Variants in DENND1A observed in about 807,000 individuals in gnomAD.
The protein encoded by DENND1A is DENN domain-containing protein 1A.
DENND1A carries 51 observed loss-of-function variants against 113.7 expected under a neutral mutation model. The observed-to-expected ratio is 0.45, with a 90% CI of 0.36 to 0.57. The LOEUF is 0.57. Ranked by LOEUF, DENND1A falls within the 20% of genes least tolerant of loss-of-function variation. The pLI is 0.00. For synonymous variants in DENND1A, 565 were observed against 570.8 expected, an observed-to-expected ratio of 0.99 and a Z score of 0.14; for missense variants, 1,258 against 1,395.9, an observed-to-expected ratio of 0.90 and a Z score of 1.57.
rs923114156 is a variant in DENND1A, at chr9:123,426,262, C to T, written c.1488+14098G>A. On this transcript the variant is annotated intron_variant, in intron 19 of 23. Coordinates refer to ENST00000394215, the MANE Select transcript of DENND1A (RefSeq NM_001352964.2). ...AGGCTGCAGGCCCTGCCTATCTCAA[C>T]GTGTGCTGATGCTTTCTGATACCCA... Among the ~76,000 whole-genome samples, 8 of 152,304 alleles carry T rather than the reference C, an allele frequency of 5.3e-5. No individual in the cohort carries two copies. The East Asian group carries it at 5.8e-4, about 11-fold the overall frequency.
chr9:123,615,188 T>C (rs924605376), intron 10 of DENND1A, among the ~76,000 whole-genome samples: 3 of 152,186 alleles, frequency 2.0e-5, no homozygotes, highest in Admixed American at 1.3e-4. Context: ...AGAGCCAGCA[T>C]AGGCTAAGGC....
chr9:123,575,383 G>C (rs1039281840), intron 12 of DENND1A, among the ~76,000 whole-genome samples: 1 of 152,146 alleles, frequency 6.6e-6, no homozygotes, highest in African/African-American at 2.4e-5. Context: ...GCTGGGTTCC[G>C]AACAGGCCAT....
intron 1 of DENND1A, among the ~76,000 whole-genome samples, chr9:123,897,734 C>G (rs1018995756): frequency 2.6e-5 from 4 of 152,010 alleles, no homozygotes; most frequent in African/African-American, 9.7e-5. Context: ...TTTGAGAGGC[C>G]AAGAGAGAGG....
At chr9:123,551,819 A>G (rs895744049) in intron 13 of DENND1A, among the ~76,000 whole-genome samples, 2 of 152,070 alleles carry the variant, frequency 1.3e-5, no homozygotes, top group African/African-American at 2.4e-5. Flanking sequence ...AGCCTCCCCA[A>G]CAAACCCGCA....
chr9:123,496,642 T>C (rs763126185), intron 13 of DENND1A, among the ~76,000 whole-genome samples: 3 of 152,218 alleles, frequency 2.0e-5, no homozygotes, highest in Non-Finnish European at 2.9e-5. Flanking sequence ...TAAATACCTC[T>C]TCAAATCTGC....
intron 13 of DENND1A, among the ~76,000 whole-genome samples, chr9:123,533,560 G>A (rs943778760): frequency 2.0e-5 from 3 of 152,196 alleles, no homozygotes; most frequent in African/African-American, 7.2e-5. Context: ...TTGGAGGTTG[G>A]TGTCTGGTGT....
Position 123,929,932 on chromosome 9 carries a change from C to T in DENND1A, c.-27G>A. 3.0e-6 allele frequency: 1 copy of T among 335,464 alleles called. No homozygotes were observed. The highest frequency in any genetic ancestry group is 2.2e-5 in the African/African-American group (1 of 44,616). 20.8% of individuals were successfully genotyped at this position (335,464 alleles called of 1,614,324 possible). A position where few individuals can be genotyped will look rare whatever the true frequency, so the allele number is the denominator to read the frequency against. On this transcript the variant is annotated 5_prime_UTR_variant, in exon 1 of 24. Coordinates refer to ENST00000394215, the MANE Select transcript of DENND1A (RefSeq NM_001352964.2). ...GTCCCCAGGCCTCCTCATGGGCCCG[C>T]GGGCCCCGCTCGGCGCTGCGCTGCC...
At chr9:123,746,695 G>A (rs192765431) in intron 5 of DENND1A, among the ~76,000 whole-genome samples, 2 of 152,256 alleles carry the variant, frequency 1.3e-5, no homozygotes, top group African/African-American at 2.4e-5. Context: ...AAGTTCATGG[G>A]AGTCCTTGAA....
chr9:123,401,535 G>A, intron 21 of DENND1A: 1 of 1,337,818 alleles, frequency 7.5e-7, no homozygotes, highest in Non-Finnish European at 9.6e-7. Flanking sequence ...TACGCTCACA[G>A]AAAACCTGTC....
At chr9:123,383,536 TG>T (rs1370570697) in intron 23 of DENND1A, 118 bp downstream of exon 23, 13 of 1,472,906 alleles carry the variant, frequency 8.8e-6, no homozygotes, top group Non-Finnish European at 6.4e-6. Context: ...GAGCATTGGC[TG>T]AGGGTCTTGG....
chr9:123,485,129 G>C (rs1315449071), intron 13 of DENND1A, among the ~76,000 whole-genome samples: 1 of 152,212 alleles, frequency 6.6e-6, no homozygotes, highest in African/African-American at 2.4e-5. Context: ...CAGTGTTGGG[G>C]GAGCAGAGCC....
At chr9:123,802,168 T>C (rs1834783433) in intron 2 of DENND1A, among the ~76,000 whole-genome samples, 1 of 152,114 alleles carries the variant, frequency 6.6e-6, no homozygotes, top group Admixed American at 6.6e-5. Context: ...TCTTCTAAGC[T>C]CCCTTTACAT....
At chr9:123,775,246 T>C (rs368217474) in intron 3 of DENND1A, among the ~76,000 whole-genome samples, 2 of 152,240 alleles carry the variant, frequency 1.3e-5, no homozygotes, top group African/African-American at 4.8e-5. Context: ...GATTTGGTTA[T>C]GATCTCTTAC....
At chr9:123,796,035 T>C (rs1190208483) in intron 2 of DENND1A, among the ~76,000 whole-genome samples, 2 of 152,140 alleles carry the variant, frequency 1.3e-5, no homozygotes, top group African/African-American at 4.8e-5. Context: ...AATAGATAAC[T>C]CACAAACTTA....
intron 3 of DENND1A, among the ~76,000 whole-genome samples, chr9:123,781,323 T>G (rs1264053525): frequency 6.6e-6 from 1 of 152,122 alleles, no homozygotes; most frequent in Non-Finnish European, 1.5e-5. Flanking sequence ...GCCACCAGAA[T>G]CTTAGAGGGG....
chr9:123,834,159 T>C (rs1332173822), intron 2 of DENND1A, among the ~76,000 whole-genome samples: 1 of 152,210 alleles, frequency 6.6e-6, no homozygotes, highest in Non-Finnish European at 1.5e-5. Context: ...ATTGAGACAT[T>C]TGATACCTTT....
chr9:123,734,101 T>G (rs1421130395), intron 5 of DENND1A, among the ~76,000 whole-genome samples: 1 of 152,266 alleles, frequency 6.6e-6, no homozygotes, highest in African/African-American at 2.4e-5. Context: ...CCCAAGTAGC[T>G]GAGACTACAG....
intron 5 of DENND1A, among the ~76,000 whole-genome samples, chr9:123,709,350 T>G (rs1453962106): frequency 6.6e-6 from 1 of 152,232 alleles, no homozygotes; most frequent in East Asian, 1.9e-4. Context: ...GATAGAATTC[T>G]CGTAATGATC....
At chr9:123,665,953 A>C (rs950526831) in intron 8 of DENND1A, among the ~76,000 whole-genome samples, 12 of 152,206 alleles carry the variant, frequency 7.9e-5, no homozygotes, top group African/African-American at 2.9e-4. Context: ...AACTCAGAAC[A>C]AAAGGACAAA....
Sources: gnomAD v4.1 joint callset for allele counts (sites outside exome capture counted in the v4.1 genomes callset) on GRCh38, gnomAD v4.1.1 for gene constraint, MANE v1.5 for transcripts, NCBI Gene and HGNC (gene_info 2026-07-23, HGNC 2026-07-21) for gene names.